Variants in LATS2 observed in about 807,000 individuals in gnomAD.
LATS2 encodes large tumor suppressor kinase 2.
A neutral mutation model predicts 76.0 loss-of-function variants in LATS2; 24 were observed. The observed-to-expected ratio is 0.32, with a 90% CI of 0.23 to 0.44. The LOEUF (loss-of-function observed/expected upper bound fraction) is 0.44, where lower values mean the gene tolerates loss of function less well. Among genes scored for constraint, LATS2 ranks in the 20% least tolerant of loss-of-function variants. The probability of loss-of-function intolerance (pLI) is 1.00; values close to 1 mark genes in which losing one functional copy is unlikely to be tolerated. For synonymous variants in LATS2, 692 were observed against 635.4 expected, an observed-to-expected ratio of 1.09 and a Z score of -1.34; for missense variants, 1,286 against 1,481.2, an observed-to-expected ratio of 0.87 and a Z score of 2.16.
chr13:21,059,356 G>A (rs1025472117), intron 1 of LATS2, among the ~76,000 whole-genome samples: 1 of 152,166 alleles, frequency 6.6e-6, no homozygotes, highest in Admixed American at 6.5e-5. Context: ...CCAGCAGTTT[G>A]GGAGGCTGAG....
intron 3 of LATS2, 23 bp from the exon 4 acceptor site, chr13:20,989,327 A>G: frequency 7.4e-6 from 12 of 1,612,710 alleles, no homozygotes; most frequent in Non-Finnish European, 9.3e-6. Flanking sequence ...AAACAGGAAG[A>G]CAGCATCAGA....
At chr13:21,047,444 A>G (rs1873112783) in intron 1 of LATS2, among the ~76,000 whole-genome samples, 1 of 152,208 alleles carries the variant, frequency 6.6e-6, no homozygotes. Flanking sequence ...CGCTGGTGGG[A>G]AAGGCAGGGC....
At chr13:21,037,222 T>C (rs59224903) in intron 2 of LATS2, among the ~76,000 whole-genome samples, 9,291 of 152,238 alleles carry the variant, frequency 0.061, 897 homozygotes, top group East Asian at 0.42. Flanking sequence ...CTGGCCAACA[T>C]GGTGAAACCC....
intron 2 of LATS2, among the ~76,000 whole-genome samples, chr13:21,015,678 A>G (rs1333814217): frequency 6.6e-6 from 1 of 152,098 alleles, no homozygotes; most frequent in Non-Finnish European, 1.5e-5. Context: ...TTACCTCTTT[A>G]TATCAGTTCA....
At chr13:21,012,756 G>A (rs915775679) in intron 2 of LATS2, among the ~76,000 whole-genome samples, 6 of 151,202 alleles carry the variant, frequency 4.0e-5, no homozygotes, top group African/African-American at 1.5e-4. Context: ...GGAGCTGTGC[G>A]AGAAGCTGTG....
intron 7 of LATS2, among the ~76,000 whole-genome samples, chr13:20,978,091 AT>A (rs1178733546): frequency 6.6e-6 from 1 of 151,658 alleles, no homozygotes; most frequent in African/African-American, 2.4e-5. Context: ...AATTTTTTGT[AT>A]TTTCAGTAGA....
At chr13:21,043,331 C>G (rs1230869582) in intron 2 of LATS2, among the ~76,000 whole-genome samples, 1 of 150,410 alleles carries the variant, frequency 6.6e-6, no homozygotes, top group Non-Finnish European at 1.5e-5. Flanking sequence ...AGCAAGACAC[C>G]GTCTAAAAAA....
In LATS2 at chr13:20,988,570, T is replaced by C. The variant is rs1438064623; in HGVS notation, c.1210A>G (p.Ser404Gly). ...TGGCTGTTGAAGGAGTTGGTCCTGC[T>C]GGGCACTGGGCAGTCAGGCCGGAAG... ...VAFRPDCPVP[S>G]RTNSFNSHQP... is the part of the protein sequence containing the mutation. The change falls in exon 4 of 8, where the codon AGC (serine) becomes GGC (glycine). Residue 404 changes from serine to glycine, a missense_variant. By Grantham distance (56) the Ser-to-Gly change is moderately conservative. Transcript: ENST00000382592. 1 of 1,586,698 alleles carries C rather than the reference T, an allele frequency of 6.3e-7. No individual in the cohort carries two copies. The highest frequency in any genetic ancestry group is 1.1e-5 in the South Asian group (1 of 89,552).
chr13:21,025,404 A>C (rs1872273164), intron 2 of LATS2, among the ~76,000 whole-genome samples: 1 of 148,132 alleles, frequency 6.8e-6, no homozygotes, highest in East Asian at 1.9e-4. Flanking sequence ...AAAAAAAAAA[A>C]AAAAAAAAAA....
rs199706697 is a variant in LATS2 at position 21,045,784 on chromosome 13, T to A, written c.243A>T (p.Arg81Ser). 1 of 1,614,234 alleles carries A rather than the reference T, an allele frequency of 6.2e-7. No homozygotes were observed. Among genetic ancestry groups the A allele is most frequent in the East Asian group, 2.2e-5 (1 of 44,884 alleles). ...GPYQKALREI[R>S]YSLLPFANES... ...CATTAGCAAAAGGCAACAAGGAATA[T>A]CTGATTTCCCTCAAGGCTTTCTGAT... The change falls in exon 2 of 8, where the codon AGA (arginine) becomes AGT (serine). Residue 81 changes from arginine to serine, a missense_variant. Physicochemically the swap from Arg to Ser is moderately radical, Grantham distance 110. Transcript: ENST00000382592.
intron 4 of LATS2, 35 bp downstream of exon 4, chr13:20,987,846 C>A: frequency 6.3e-7 from 1 of 1,595,372 alleles, no homozygotes; most frequent in South Asian, 1.1e-5. Context: ...AGGGATGAGC[C>A]GGGAACAAAT....
At chr13:20,986,794 A>C (rs1870161969) in intron 4 of LATS2, among the ~76,000 whole-genome samples, 1 of 152,252 alleles carries the variant, frequency 6.6e-6, no homozygotes, top group Admixed American at 6.5e-5. Context: ...TGATAAATAC[A>C]CCAGGCAATG....
In LATS2 at chr13:20,989,301, T is replaced by C; in HGVS notation, c.479A>G (p.Lys160Arg). Reference protein sequence around the residue: ...VRVIKQTSPGKGLMPTPVTRR... With the variant: ...VRVIKQTSPGRGLMPTPVTRR... ...CGTCACTGGGGTTGGCATGAGCCCC[T>C]TTCCTGCAGTGGAAAAAACAGGAAG... The change falls in exon 4 of 8, where the codon AAG becomes AGG. Residue 160 changes from lysine (K) to arginine (R), a missense_variant. By Grantham distance (26) the Lys-to-Arg change is conservative. Transcript: ENST00000382592. The C allele has an allele frequency of 1.2e-6, 2 of 1,613,742 alleles. No individual in the cohort carries two copies. The highest frequency in any genetic ancestry group is 2.2e-5 in the South Asian group (2 of 91,086).
At chr13:20,978,304 C>A (rs1475059358) in intron 7 of LATS2, among the ~76,000 whole-genome samples, 2 of 152,046 alleles carry the variant, frequency 1.3e-5, no homozygotes, top group Non-Finnish European at 2.9e-5. Flanking sequence ...ACCACCAGGG[C>A]ATGTGAAAAT....
intron 2 of LATS2, among the ~76,000 whole-genome samples, chr13:21,034,757 T>TG (rs1011768218): frequency 3.9e-5 from 6 of 152,010 alleles, no homozygotes; most frequent in Non-Finnish European, 8.8e-5. Flanking sequence ...GGCTCGTTGC[T>TG]GGGGGAGGAT....
intron 2 of LATS2, among the ~76,000 whole-genome samples, chr13:21,016,060 G>T (rs558310599): frequency 1.3e-5 from 2 of 151,526 alleles, no homozygotes; most frequent in Non-Finnish European, 2.9e-5. Context: ...TATGATCTCG[G>T]CTCACTGCAA....
intron 1 of LATS2, among the ~76,000 whole-genome samples, chr13:21,054,620 T>C (rs940803386): frequency 1.6e-4 from 24 of 152,300 alleles, no homozygotes; most frequent in Admixed American, 1.4e-3. Context: ...GTTAAGCATC[T>C]GTGGGTGCCA....
chr13:21,036,249 A>C (rs1223498237), intron 2 of LATS2, among the ~76,000 whole-genome samples: 1 of 151,468 alleles, frequency 6.6e-6, no homozygotes, highest in Non-Finnish European at 1.5e-5. Flanking sequence ...CCAGGCTATT[A>C]TCAAACTCCT....
At chr13:21,037,543 G>T (rs986778320) in intron 2 of LATS2, among the ~76,000 whole-genome samples, 1 of 152,162 alleles carries the variant, frequency 6.6e-6, no homozygotes, top group Non-Finnish European at 1.5e-5. Flanking sequence ...AGAAAGTGGC[G>T]ACTAGAACAA....
Sources: allele counts gnomAD v4.1 joint callset (sites outside exome capture counted in the v4.1 genomes callset), GRCh38; gene constraint gnomAD v4.1.1; transcripts MANE v1.5; gene names NCBI Gene and HGNC (gene_info 2026-07-23, HGNC 2026-07-21).